COX19: variants seen among roughly 807,000 people sequenced by gnomAD.
COX19 encodes the protein cytochrome c oxidase assembly factor COX19, also known as cytochrome c oxidase assembly protein COX19.
In COX19, 8 loss-of-function variants were observed where a neutral mutation model predicts 6.8. The observed-to-expected ratio is 1.18, with a 90% CI of 0.69 to 2.12. The LOEUF (loss-of-function observed/expected upper bound fraction) is 2.12. Among genes scored for constraint, COX19 ranks in the 30% most tolerant of loss-of-function variants. COX19 has a pLI of 0.00. For synonymous variants in COX19, 51 were observed against 38.0 expected, an observed-to-expected ratio of 1.34 and a Z score of -1.26; for missense variants, 131 against 104.6, an observed-to-expected ratio of 1.25 and a Z score of -1.10.
rs1270772491 is a variant in COX19 at position 968,825 on chromosome 7, T to C, written c.*553A>G. 1 of 152,152 alleles carries C rather than the reference T, an allele frequency of 6.6e-6. No homozygotes were observed. Among genetic ancestry groups the C allele is most frequent in the African/African-American group, 2.4e-5 (1 of 41,402 alleles). The allele number at this position is 152,152 out of a possible 1,614,324, so 9.4% of individuals were successfully genotyped here. ...AAACCAGAAAATGACCCTTTGATTA[T>C]GAAGCTACTTGGTGTTCAGGCAAAA... On this transcript the variant is annotated 3_prime_UTR_variant, in exon 3 of 3. Transcript: ENST00000344111.
intron 1 of COX19, chr7:975,206 G>A: frequency 4.6e-6 from 2 of 430,270 alleles, no homozygotes; most frequent in African/African-American, 2.1e-5. Context: ...AGGAGTCGGT[G>A]TCGCTGCCCT....
rs143135454 is a variant in COX19, at chr7:973,586, G to A, written c.83-294C>T. ...CTCAGGAGGCTGAGGCAGGAAGATC[G>A]CTTGAGCAAAGGATTTCGAGGCTGC... is the stretch of plus-strand genomic sequence containing the variant. On this transcript the variant is annotated intron_variant, in intron 1 of 2. Transcript: ENST00000344111. Among the ~76,000 whole-genome samples the A allele has an allele frequency of 1.3e-3, 203 of 152,230 alleles. 2 individuals are homozygous for A. Among genetic ancestry groups the A allele is most frequent in the African/African-American group, 4.7e-3 (195 of 41,528 alleles).
chr7:975,434 G>T lies in COX19; in HGVS notation c.76C>A (p.His26Asn). The change falls in exon 1 of 3, where the codon CAC becomes AAC. Residue 26 changes from histidine (H) to asparagine (N), a missense_variant. Transcript: ENST00000344111. Reference protein sequence around the residue: ...PPDKGSFPLDHLGECKSFKEK... With the variant: ...PPDKGSFPLDNLGECKSFKEK... ...CCGACCTTCCGCCGCTCACCTAAGT[G>T]ATCCAGCGGGAAGCTGCCCTTGTCC... 1.3e-6 allele frequency: 2 copies of T among 1,594,582 alleles called. No individual in the cohort carries two copies. The highest frequency in any genetic ancestry group is 1.7e-6 in the Non-Finnish European group (2 of 1,172,518).
intron 2 of COX19, among the ~76,000 whole-genome samples, chr7:971,523 T>C (rs1199718916): frequency 6.6e-6 from 1 of 151,700 alleles, no homozygotes; most frequent in Non-Finnish European, 1.5e-5. Context: ...TCAAAATAAC[T>C]GACCTTATAG....
chr7:965,337 C>G lies in COX19; in HGVS notation c.*4041G>C, dbSNP rs1847535718. ...TCCCCAAATAACATCTTACATAACA[C>G]TGGGCCAGCGCTGCCAGTCACTTCG... is the stretch of plus-strand genomic sequence containing the variant. On this transcript the variant is annotated 3_prime_UTR_variant, in exon 3 of 3. Coordinates refer to ENST00000344111, the MANE Select transcript of COX19 (RefSeq NM_001031617.3). Among the ~76,000 whole-genome samples the G allele has an allele frequency of 6.6e-6, 1 of 152,188 alleles. No individual in the cohort carries two copies. The highest frequency in any genetic ancestry group is 2.4e-5 in the African/African-American group (1 of 41,442).
At chr7:970,291 C>T (rs983973182) in intron 2 of COX19, among the ~76,000 whole-genome samples, 11 of 151,844 alleles carry the variant, frequency 7.2e-5, no homozygotes, top group South Asian at 2.1e-4. Flanking sequence ...CACATCACCA[C>T]GCCCGGCTAA....
intron 1 of COX19, among the ~76,000 whole-genome samples, chr7:974,660 TCTTTC>T (rs1847679754): frequency 1.3e-5 from 2 of 151,950 alleles, no homozygotes; most frequent in Admixed American, 1.3e-4. Flanking sequence ...TCTTTTCTTT[TCTTTC>T]TTTTTTTTTT....
rs926821137 is a variant in COX19, at chr7:966,951, A to C, written c.*2427T>G. 3 of 152,056 alleles carry C rather than the reference A, an allele frequency of 2.0e-5. No individual in the cohort carries two copies. The highest frequency in any genetic ancestry group is 2.9e-5 in the Non-Finnish European group (2 of 68,014). 9.4% of individuals were successfully genotyped at this position (152,056 alleles called of 1,614,324 possible). On this transcript the variant is annotated 3_prime_UTR_variant, in exon 3 of 3. Transcript: ENST00000344111. ...CGGTGATGTGGTGCTTGGGTCCAAGAAGCTTTTATTTTACTTAAGAATGGC... is the reference window on the plus strand; with the variant it reads ...CGGTGATGTGGTGCTTGGGTCCAAGCAGCTTTTATTTTACTTAAGAATGGC...
intron 1 of COX19, among the ~76,000 whole-genome samples, chr7:974,250 TA>T (rs748066628): frequency 4.2e-3 from 350 of 84,250 alleles, no homozygotes; most frequent in Non-Finnish European, 5.1e-3. Flanking sequence ...ACCCCATCTC[TA>T]AAAAAAAAAA....
intron 1 of COX19, among the ~76,000 whole-genome samples, chr7:974,428 T>A (rs552471356): frequency 6.6e-6 from 1 of 152,158 alleles, no homozygotes; most frequent in African/African-American, 2.4e-5. Flanking sequence ...AGACCGTGTC[T>A]CAAAACAAAA....
chr7:973,416 TCA>T (rs1294870932), intron 1 of COX19, 124 bp from the exon 2 acceptor site: 1 of 1,262,986 alleles, frequency 7.9e-7, no homozygotes, highest in Admixed American at 3.5e-5. Context: ...GCGCAGTGGT[TCA>T]CACCTGTAAT....
rs574811287 is a variant in COX19 at position 968,480 on chromosome 7, G to A, written c.*898C>T. 1.3e-5 allele frequency: 2 copies of A among 152,462 alleles called. No homozygotes were observed. Among genetic ancestry groups the A allele is most frequent in the East Asian group, 1.9e-4 (1 of 5,192 alleles). 9.4% of individuals were successfully genotyped at this position (152,462 alleles called of 1,614,324 possible). On this transcript the variant is annotated 3_prime_UTR_variant, in exon 3 of 3. Coordinates refer to ENST00000344111, the MANE Select transcript of COX19 (RefSeq NM_001031617.3). Reference sequence around the variant, plus strand: ...CCTTTCCGACAGTGCCTGGGAAGGAGACAGGTCTGGCTGAGGCCCCAGATG... The same window carrying A: ...CCTTTCCGACAGTGCCTGGGAAGGAAACAGGTCTGGCTGAGGCCCCAGATG...
chr7:972,681 G>C (rs1847652018), intron 2 of COX19: 1 of 152,262 alleles, frequency 6.6e-6, no homozygotes, highest in Non-Finnish European at 1.5e-5. Context: ...AAAAGTGAGC[G>C]TTGGTGAGTT....
rs779266392 is a variant in COX19 at position 965,584 on chromosome 7, A to C, written c.*3794T>G. ...TCCTCGGAGGTCACTATGCATCTCA[A>C]GGGGAGGTTTCTCAAGACAGCAGAC... On this transcript the variant is annotated 3_prime_UTR_variant, in exon 3 of 3. Transcript: ENST00000344111. 6.6e-6 allele frequency among the ~76,000 whole-genome samples: 1 copy of C among 152,162 alleles called. No individual in the cohort carries two copies. The highest frequency in any genetic ancestry group is 1.5e-5 in the Non-Finnish European group (1 of 68,030).
chr7:969,953 GAT>G (rs1299789758), intron 2 of COX19, among the ~76,000 whole-genome samples: 56 of 136,988 alleles, frequency 4.1e-4, no homozygotes, highest in Admixed American at 1.0e-3. Flanking sequence ...ACAGTTATCT[GAT>G]ATTTTTTTTT....
At position 973,521 on chromosome 7, in the gene COX19, A is replaced by G. The variant is rs1847663306; in HGVS notation, c.83-229T>C. Among the ~76,000 whole-genome samples the G allele has an allele frequency of 3.9e-5, 6 of 152,046 alleles. No homozygotes were observed. In the South Asian group the frequency reaches 1.0e-3, roughly 26 times the overall value. ...CCCATCTCTACCAAAAAAAACCTTA[A>G]AAGTTAGCTAGGTGTGGCGCACGTC... On this transcript the variant is annotated intron_variant, in intron 1 of 2. Transcript: ENST00000344111.
chr7:972,376 C>T (rs539881791), intron 2 of COX19, among the ~76,000 whole-genome samples: 1 of 152,148 alleles, frequency 6.6e-6, no homozygotes, highest in South Asian at 2.1e-4. Flanking sequence ...ACCTGTGTGG[C>T]CGGAAAGGCA....
At chr7:973,983 T>C (rs1403027911) in intron 1 of COX19, among the ~76,000 whole-genome samples, 1 of 150,240 alleles carries the variant, frequency 6.7e-6, no homozygotes, top group Non-Finnish European at 1.5e-5. Flanking sequence ...AATAAATAAA[T>C]GATCCAGCCT....
chr7:973,598 G>A (rs1847664223), intron 1 of COX19, among the ~76,000 whole-genome samples: 1 of 152,122 alleles, frequency 6.6e-6, no homozygotes, highest in African/African-American at 2.4e-5. Context: ...TTGAGCAAAG[G>A]ATTTCGAGGC....
Sources: allele counts gnomAD v4.1 joint callset (sites outside exome capture counted in the v4.1 genomes callset), GRCh38; gene constraint gnomAD v4.1.1; transcripts MANE v1.5; gene names NCBI Gene and HGNC (gene_info 2026-07-23, HGNC 2026-07-21).